ZAP70: variants seen among roughly 807,000 people sequenced by gnomAD.
ZAP70 encodes the protein tyrosine-protein kinase ZAP-70.
ZAP70 carries 27 observed loss-of-function variants against 65.8 expected under a neutral mutation model. The ratio of observed to expected loss-of-function variants is 0.41; its 90% CI spans 0.30 to 0.57. ZAP70 has a LOEUF of 0.57. Among genes scored for constraint, ZAP70 ranks in the 20% least tolerant of loss-of-function variants. ZAP70 has a pLI of 0.28. For synonymous variants in ZAP70, 363 were observed against 360.8 expected (o/e 1.01, Z -0.07); for missense variants, 696 against 870.5 (o/e 0.80, Z 2.52).
At chr2:97,720,475 C>G (rs558798436) in intron 2 of ZAP70, among the ~76,000 whole-genome samples, 2 of 151,988 alleles carry the variant, frequency 1.3e-5, no homozygotes, top group Non-Finnish European at 2.9e-5. Context: ...GGTGATCCGC[C>G]TGCCTCGGCC....
In ZAP70 at chr2:97,738,387, C is replaced by T. The variant is rs77226436; in HGVS notation, c.1736+280C>T. The T allele has an allele frequency of 4.2e-3, 2,118 of 508,832 alleles. 76 individuals carry two copies. In the East Asian group the frequency reaches 0.069, roughly 17 times the overall value. The allele number at this position is 508,832 out of a possible 1,614,324, so 31.5% of individuals were successfully genotyped here. ...CACTCAACACATGGACCCTGCAACA[C>T]GCAAACAGGTCCATACTCTGCTACT... On this transcript the variant is annotated intron_variant, in intron 13 of 13. Transcript: ENST00000264972.
chr2:97,737,438 T>C lies in ZAP70; in HGVS notation c.1290-35T>C. 1 of 1,612,086 alleles carries C rather than the reference T, an allele frequency of 6.2e-7. No homozygotes were observed. The highest frequency in any genetic ancestry group is 8.5e-7 in the Non-Finnish European group (1 of 1,178,322). On this transcript the variant is annotated intron_variant, in intron 10 of 13. Coordinates refer to ENST00000264972, the MANE Select transcript of ZAP70 (RefSeq NM_001079.4). The surrounding 1 kb of genome is among the most constrained non-coding windows in gnomAD (Gnocchi z 5.0). ...TTGCCCCTGGGAACTTGGCTAGTCT[T>C]CTCCCAGCTGACCCCGCCTTCCCCG...
downstream of ZAP70, among the ~76,000 whole-genome samples, chr2:97,741,054 A>G (rs1210952945): frequency 6.6e-6 from 1 of 152,226 alleles, no homozygotes; most frequent in Non-Finnish European, 1.5e-5. Context: ...CATTAAGCAC[A>G]TGATTTACAG....
intron 4 of ZAP70, among the ~76,000 whole-genome samples, chr2:97,730,475 G>A (rs1677556487): frequency 6.6e-6 from 1 of 152,174 alleles, no homozygotes; most frequent in Non-Finnish European, 1.5e-5. Flanking sequence ...GCCTTCTCTA[G>A]CAGGCTAGCT....
rs1197774401 is a variant in ZAP70 at position 97,731,082 on chromosome 2, G to T, written c.564-1801G>T. On this transcript the variant is annotated intron_variant, in intron 4 of 13. Coordinates refer to ENST00000264972, the MANE Select transcript of ZAP70 (RefSeq NM_001079.4). This position sits in a 1 kb window ranked among gnomAD's most constrained non-coding sequence, Gnocchi z 4.0. The stretch of plus-strand genomic sequence containing the variant: ...AAAAAAAAAAAAAAAAAAAGAGACA[G>T]AGGAGGGGAGATGGGAGGTTTGCTG... Among the ~76,000 whole-genome samples the T allele has an allele frequency of 6.7e-6, 1 of 150,266 alleles. No homozygotes were observed. Among genetic ancestry groups the T allele is most frequent in the Non-Finnish European group, 1.5e-5 (1 of 67,632 alleles).
At chr2:97,723,454 C>T (rs1677240237) in intron 2 of ZAP70, among the ~76,000 whole-genome samples, 1 of 152,260 alleles carries the variant, frequency 6.6e-6, no homozygotes, top group Non-Finnish European at 1.5e-5. Flanking sequence ...GGCTCCTCCT[C>T]CTTCAGCTCT....
At chr2:97,724,667 A>G (rs866378859) in intron 3 of ZAP70, 1 of 1,527,496 alleles carries the variant, frequency 6.5e-7, no homozygotes, top group East Asian at 2.5e-5. Context: ...ATGGTGCTCT[A>G]CTATGCCAGA....
downstream of ZAP70, among the ~76,000 whole-genome samples, chr2:97,744,328 C>T (rs960407729): frequency 1.3e-5 from 2 of 152,012 alleles, no homozygotes; most frequent in South Asian, 2.1e-4. Context: ...TTCTGGTGGA[C>T]GAAGTGAAAA....
intron 2 of ZAP70, among the ~76,000 whole-genome samples, chr2:97,714,748 T>C (rs1676840903): frequency 6.6e-6 from 1 of 152,198 alleles, no homozygotes; most frequent in Non-Finnish European, 1.5e-5. Flanking sequence ...AATGCCTTGC[T>C]GAGAGATCAG....
chr2:97,725,650 G>A (rs1197207194), intron 4 of ZAP70, among the ~76,000 whole-genome samples: 1 of 152,226 alleles, frequency 6.6e-6, no homozygotes, highest in African/African-American at 2.4e-5. Context: ...CATGGGGCAG[G>A]TAGACAAGAA....
intron 4 of ZAP70, among the ~76,000 whole-genome samples, chr2:97,726,740 A>G (rs1677402282): frequency 6.6e-6 from 1 of 152,248 alleles, no homozygotes; most frequent in South Asian, 2.1e-4. Context: ...TGGAGTTTCC[A>G]AGGCTTCTGA....
In ZAP70 at chr2:97,731,783, G is replaced by A. The variant is rs909461065; in HGVS notation, c.564-1100G>A. Among the ~76,000 whole-genome samples, 4 of 152,216 alleles carry A rather than the reference G, an allele frequency of 2.6e-5. No homozygotes were observed. The highest frequency in any genetic ancestry group is 5.9e-5 in the Non-Finnish European group (4 of 68,044). On this transcript the variant is annotated intron_variant, in intron 4 of 13. Coordinates refer to ENST00000264972, the MANE Select transcript of ZAP70 (RefSeq NM_001079.4). This position sits in a 1 kb window ranked among gnomAD's most constrained non-coding sequence, Gnocchi z 4.0. Reference sequence around the variant, plus strand: ...ACATCCACAGGCAGGGCCAGGCCTGGTCTGAGAATTTGCACCTTGGAGGGT... The same window carrying A: ...ACATCCACAGGCAGGGCCAGGCCTGATCTGAGAATTTGCACCTTGGAGGGT...
chr2:97,733,944 C>G (rs767932295), intron 8 of ZAP70: 29 of 405,104 alleles, frequency 7.2e-5, no homozygotes, highest in Admixed American at 3.8e-4. Context: ...GGTGATTAAC[C>G]TCACTTTACA....
At chr2:97,730,829 G>A (rs776399739) in intron 4 of ZAP70, among the ~76,000 whole-genome samples, 1 of 152,168 alleles carries the variant, frequency 6.6e-6, no homozygotes, top group African/African-American at 2.4e-5. Context: ...GCCGAGGCAG[G>A]TGGATCACGA....
rs143181735 is a variant in ZAP70 at position 97,733,316 on chromosome 2, C to T, written c.810C>T (p.Leu270=). Residue 270 remains leucine (L), a synonymous_variant, in exon 7 of 14, where the codon CTC becomes CTT. Coordinates refer to ENST00000264972, the MANE Select transcript of ZAP70 (RefSeq NM_001079.4). ...CCCCAGGGGCTGCTGCTCCCACACT[C>T]CCAGCCCACCCATCCACGTTGACTC... ...SNASGAAAPT[L]PAHPSTLTHP... 691 of 1,598,232 alleles carry T rather than the reference C, an allele frequency of 4.3e-4. 3 individuals carry two copies. The African/African-American group carries it at 8.6e-3, about 20-fold the overall frequency.
chr2:97,745,947 T>TA, the ZAP70 span, among the ~76,000 whole-genome samples: 4 of 152,210 alleles, frequency 2.6e-5, no homozygotes, highest in South Asian at 8.3e-4. Context: ...ATGAGGTGTA[T>TA]ACATTCCATG....
At position 97,724,288 on chromosome 2, in the gene ZAP70, C is replaced by T; in HGVS notation, c.252C>T (p.Cys84=). Residue 84 remains cysteine, a synonymous_variant, in exon 3 of 14, where the codon TGC becomes TGT. Coordinates refer to ENST00000264972, the MANE Select transcript of ZAP70 (RefSeq NM_001079.4). ...GKAHCGPAEL[C]EFYSRDPDGL... ...CGCACTGTGGACCGGCAGAGCTCTGCGAGTTCTACTCGCGCGACCCCGACG... is the reference window on the plus strand; with the variant it reads ...CGCACTGTGGACCGGCAGAGCTCTGTGAGTTCTACTCGCGCGACCCCGACG... The T allele has an allele frequency of 1.9e-6, 3 of 1,600,018 alleles. No homozygotes were observed. The highest frequency in any genetic ancestry group is 2.2e-5 in the East Asian group (1 of 44,658).
At chr2:97,723,931 T>C in intron 2 of ZAP70, 85 bp from the exon 3 acceptor site, 1 of 1,457,260 alleles carries the variant, frequency 6.9e-7, no homozygotes, top group Non-Finnish European at 9.2e-7. Context: ...TGCCCTCCAC[T>C]TGGCGTCTCT....
intron 13 of ZAP70, chr2:97,738,554 T>A (rs954656970): frequency 1.6e-5 from 4 of 242,546 alleles, no homozygotes; most frequent in Non-Finnish European, 3.3e-5. Context: ...AGCCCCCACC[T>A]CTGCCTGGTT....
Sources: gnomAD v4.1 joint callset for allele counts (sites outside exome capture counted in the v4.1 genomes callset) on GRCh38, gnomAD v4.1.1 for gene constraint, Gnocchi (gnomAD v3.1) non-coding constraint, MANE v1.5 for transcripts, NCBI Gene and HGNC (gene_info 2026-07-23, HGNC 2026-07-21) for gene names.